Variants in ADAMTSL3 observed in about 807,000 individuals in gnomAD.
The protein encoded by ADAMTSL3 is ADAMTS like 3, also known as ADAMTS-like protein 3.
Under a neutral mutation model 201.7 loss-of-function variants are expected in ADAMTSL3, and 128 were observed. The ratio of observed to expected loss-of-function variants is 0.63; its 90% confidence interval spans 0.55 to 0.73. The LOEUF is 0.73. Ranked by LOEUF, ADAMTSL3 falls within the 30% of genes least tolerant of loss-of-function variation. ADAMTSL3 has a pLI of 0.00. For synonymous variants in ADAMTSL3, 738 were observed against 748.4 expected (o/e 0.99, Z 0.23); for missense variants, 1,990 against 2,119.6 (o/e 0.94, Z 1.20).
At chr15:83,967,707 A>T (rs1235031338) in intron 19 of ADAMTSL3, among the ~76,000 whole-genome samples, 4 of 152,244 alleles carry the variant, frequency 2.6e-5, no homozygotes, top group Non-Finnish European at 5.9e-5. Context: ...GGAACCAAAA[A>T]AGAGCCTGTA....
intron 8 of ADAMTSL3, among the ~76,000 whole-genome samples, chr15:83,866,308 A>G (rs1341402561): frequency 6.6e-6 from 1 of 152,232 alleles, no homozygotes; most frequent in Non-Finnish European, 1.5e-5. Context: ...ACACATGCAC[A>G]TGTATGTTTA....
chr15:83,768,192 C>A (rs572050290), intron 3 of ADAMTSL3, among the ~76,000 whole-genome samples: 1 of 152,196 alleles, frequency 6.6e-6, no homozygotes, highest in South Asian at 2.1e-4. Flanking sequence ...GAGATACTCA[C>A]CAACTGCATG....
intron 2 of ADAMTSL3, among the ~76,000 whole-genome samples, chr15:83,663,174 T>C (rs1180678872): frequency 6.6e-6 from 1 of 152,224 alleles, no homozygotes; most frequent in Non-Finnish European, 1.5e-5. Flanking sequence ...CTCCTCTCTC[T>C]GTCCTGCCAA....
intron 7 of ADAMTSL3, among the ~76,000 whole-genome samples, chr15:83,847,754 C>T (rs2141728577): frequency 6.6e-6 from 1 of 152,112 alleles, no homozygotes; most frequent in Non-Finnish European, 1.5e-5. Flanking sequence ...ATCAGCCTCC[C>T]AAAGTGCTGG....
At chr15:83,997,097 A>G (rs1198207168) in intron 23 of ADAMTSL3, among the ~76,000 whole-genome samples, 6 of 152,230 alleles carry the variant, frequency 3.9e-5, no homozygotes, top group African/African-American at 1.2e-4. Context: ...AGATGCTCAA[A>G]ACCAGACATT....
At chr15:83,965,918 T>C (rs1469880435) in intron 19 of ADAMTSL3, among the ~76,000 whole-genome samples, 2 of 152,198 alleles carry the variant, frequency 1.3e-5, no homozygotes, top group East Asian at 1.9e-4. Flanking sequence ...CTGAAGAACC[T>C]GCTCCTGAAT....
At chr15:83,914,338 A>C (rs2065989708) in intron 16 of ADAMTSL3, among the ~76,000 whole-genome samples, 1 of 152,216 alleles carries the variant, frequency 6.6e-6, no homozygotes, top group African/African-American at 2.4e-5. Flanking sequence ...CTCATGGCCC[A>C]TTCATTGTGC....
intron 4 of ADAMTSL3, among the ~76,000 whole-genome samples, chr15:83,804,358 T>G (rs1381865868): frequency 3.9e-5 from 6 of 152,136 alleles, no homozygotes; most frequent in Non-Finnish European, 2.9e-5. Flanking sequence ...ACACACATAT[T>G]GTACATTAAT....
chr15:83,721,091 G>C (rs1045875022), intron 3 of ADAMTSL3, among the ~76,000 whole-genome samples: 1 of 152,120 alleles, frequency 6.6e-6, no homozygotes, highest in Non-Finnish European at 1.5e-5. Context: ...TTTCTGTCCA[G>C]CTTAGTTAGC....
intron 17 of ADAMTSL3, among the ~76,000 whole-genome samples, chr15:83,929,525 T>C (rs1219958311): frequency 6.6e-6 from 1 of 152,150 alleles, no homozygotes; most frequent in African/African-American, 2.4e-5. Context: ...CTTGATCATC[T>C]GCAAAGAACT....
chr15:83,855,855 TC>T (rs2064720326), intron 7 of ADAMTSL3, among the ~76,000 whole-genome samples: 1 of 151,890 alleles, frequency 6.6e-6, no homozygotes, highest in African/African-American at 2.4e-5. Flanking sequence ...TACAAAAAAT[TC>T]AAAAATTAGC....
chr15:83,804,604 T>C, intron 4 of ADAMTSL3, 46 bp from the exon 5 acceptor site: 1 of 1,221,124 alleles, frequency 8.2e-7, no homozygotes, highest in Non-Finnish European at 1.1e-6. Context: ...GCTTGCCTCT[T>C]CTATGAAATC....
intron 3 of ADAMTSL3, among the ~76,000 whole-genome samples, chr15:83,743,847 A>G (rs2062498448): frequency 6.6e-6 from 1 of 152,046 alleles, no homozygotes; most frequent in Non-Finnish European, 1.5e-5. Flanking sequence ...GATTTCCTTA[A>G]CTCATATATC....
intron 8 of ADAMTSL3, among the ~76,000 whole-genome samples, chr15:83,865,524 A>G (rs756475938): frequency 2.3e-4 from 35 of 152,348 alleles, no homozygotes; most frequent in Non-Finnish European, 3.7e-4. Context: ...ACAATTCCCT[A>G]TTTAAGAAAT....
chr15:83,663,698 C>G (rs74462577), intron 2 of ADAMTSL3, among the ~76,000 whole-genome samples: 2,315 of 152,260 alleles, frequency 0.015, 70 homozygotes, highest in African/African-American at 0.053. Context: ...GATTTTGGAT[C>G]AATATTCCAG....
At position 84,039,301 on chromosome 15, in the gene ADAMTSL3, A is replaced by G. The variant is rs1431183055; in HGVS notation, c.*1495A>G. The G allele has an allele frequency of 6.6e-6, 1 of 152,606 alleles. No individual in the cohort carries two copies. The highest frequency in any genetic ancestry group is 1.5e-5 in the Non-Finnish European group (1 of 68,052). 9.5% of individuals were successfully genotyped at this position (152,606 alleles called of 1,614,324 possible). ...ACTGAACAGTGCATTTTGGCTTTGG[A>G]TGTGTCTGTGGACAAGCTTGCTGAG... On this transcript the variant is annotated 3_prime_UTR_variant, in exon 30 of 30. Transcript: ENST00000286744.
intron 7 of ADAMTSL3, among the ~76,000 whole-genome samples, chr15:83,845,136 C>T (rs950186885): frequency 2.6e-5 from 4 of 152,230 alleles, no homozygotes; most frequent in East Asian, 3.8e-4. Context: ...GCACAAGTGT[C>T]GCCTCCTCAG....
At chr15:83,843,063 TG>T (rs1320011891) in intron 7 of ADAMTSL3, among the ~76,000 whole-genome samples, 1 of 152,160 alleles carries the variant, frequency 6.6e-6, no homozygotes, top group Non-Finnish European at 1.5e-5. Context: ...CTCTGTCTCT[TG>T]ATTTTCAGCT....
chr15:83,970,583 A>G lies in ADAMTSL3; in HGVS notation c.2590A>G (p.Arg864Gly), dbSNP rs1003052798. ...RRIPLSEMMC[R>G]DLPGLPLVRS... is the part of the protein sequence containing the mutation. ...CATCCCCCTCAGTGAGATGATGTGCAGGGATCTACCAGGGCTCCCTCTTGT... is the reference window on the plus strand; with the variant it reads ...CATCCCCCTCAGTGAGATGATGTGCGGGGATCTACCAGGGCTCCCTCTTGT... The change falls in exon 20 of 30, where the codon AGG becomes GGG. Residue 864 changes from arginine (R) to glycine (G), a missense_variant. Transcript: ENST00000286744. 2.2e-5 allele frequency: 36 copies of G among 1,614,100 alleles called. No homozygotes were observed. Among genetic ancestry groups the G allele is most frequent in the Non-Finnish European group, 3.0e-5 (35 of 1,180,028 alleles).
Sources: allele counts gnomAD v4.1 joint callset (sites outside exome capture counted in the v4.1 genomes callset), GRCh38; gene constraint gnomAD v4.1.1; transcripts MANE v1.5; gene names NCBI Gene and HGNC (gene_info 2026-07-23, HGNC 2026-07-21).